GALNT13: variants seen among roughly 807,000 people sequenced by gnomAD.
GALNT13 encodes polypeptide N-acetylgalactosaminyltransferase 13.
A neutral mutation model predicts 64.2 loss-of-function variants in GALNT13; 28 were observed. The ratio of observed to expected loss-of-function variants is 0.44; its 90% confidence interval spans 0.32 to 0.60. GALNT13 has a LOEUF of 0.60. Ranked by LOEUF, GALNT13 falls within the 20% of genes least tolerant of loss-of-function variation. GALNT13 has a pLI of 0.05. For synonymous variants in GALNT13, 214 were observed against 224.6 expected, an observed-to-expected ratio of 0.95 and a Z score of 0.42; for missense variants, 577 against 669.8, an observed-to-expected ratio of 0.86 and a Z score of 1.53.
chr2:154,051,427 AC>A (rs1419633825), intron 3 of GALNT13, among the ~76,000 whole-genome samples: 1 of 151,228 alleles, frequency 6.6e-6, no homozygotes, highest in Non-Finnish European at 1.5e-5. Flanking sequence ...AGTAGCTGGG[AC>A]TACAGGCGCC....
At chr2:153,678,883 C>G in the GALNT13 span, among the ~76,000 whole-genome samples, 1 of 151,948 alleles carries the variant, frequency 6.6e-6, no homozygotes, top group Non-Finnish European at 1.5e-5. Flanking sequence ...CCCAGAATTC[C>G]CTCCCTATAT....
chr2:154,449,559 G>A (rs1207929645), intron 12 of GALNT13, among the ~76,000 whole-genome samples: 2 of 151,046 alleles, frequency 1.3e-5, no homozygotes, highest in Non-Finnish European at 2.9e-5. Flanking sequence ...CTTCGCTTCT[G>A]GTTGGAGAGG....
chr2:153,364,266 T>G, the GALNT13 span, among the ~76,000 whole-genome samples: 5 of 151,956 alleles, frequency 3.3e-5, no homozygotes, highest in African/African-American at 4.8e-5. Flanking sequence ...TTATGACAAA[T>G]CCACAGCCAA....
At chr2:153,256,108 C>G in the GALNT13 span, among the ~76,000 whole-genome samples, 3 of 152,152 alleles carry the variant, frequency 2.0e-5, no homozygotes, top group Non-Finnish European at 4.4e-5. Context: ...GTACACCAAT[C>G]AGACGTAGAT....
chr2:154,347,481 G>T (rs1559104326), intron 9 of GALNT13, among the ~76,000 whole-genome samples: 1 of 151,772 alleles, frequency 6.6e-6, no homozygotes, highest in Non-Finnish European at 1.5e-5. Context: ...TAAATTATCT[G>T]CTCTCCAGTA....
chr2:154,080,968 A>G (rs1432192445), intron 3 of GALNT13, among the ~76,000 whole-genome samples: 1 of 151,532 alleles, frequency 6.6e-6, no homozygotes, highest in Non-Finnish European at 1.5e-5. Flanking sequence ...CATGGCCTGT[A>G]GCATAAGTCC....
chr2:154,026,899 CCAAT>C (rs1698005987), intron 3 of GALNT13, among the ~76,000 whole-genome samples: 1 of 151,910 alleles, frequency 6.6e-6, no homozygotes, highest in Non-Finnish European at 1.5e-5. Context: ...ATAGGTACAC[CCAAT>C]CGAGCATCCG....
At chr2:153,432,112 A>G in the GALNT13 span, among the ~76,000 whole-genome samples, 26 of 152,094 alleles carry the variant, frequency 1.7e-4, no homozygotes, top group Admixed American at 5.9e-4. Context: ...ATGGGAAAAA[A>G]AAGGAGAAGG....
At chr2:153,772,002 A>C in the GALNT13 span, among the ~76,000 whole-genome samples, 1 of 152,294 alleles carries the variant, frequency 6.6e-6, no homozygotes, top group East Asian at 1.9e-4. Context: ...CAAGTCACAA[A>C]TCTGTCTCTG....
chr2:153,129,868 C>T, the GALNT13 span, among the ~76,000 whole-genome samples: 5 of 152,188 alleles, frequency 3.3e-5, no homozygotes, highest in East Asian at 9.6e-4. Context: ...AGGACTTGCT[C>T]TATAGAATAA....
intron 9 of GALNT13, among the ~76,000 whole-genome samples, chr2:154,375,685 T>C (rs1227994536): frequency 6.6e-6 from 1 of 152,130 alleles, no homozygotes; most frequent in Non-Finnish European, 1.5e-5. Flanking sequence ...AACTTGACTT[T>C]AATAATGCGA....
the GALNT13 span, among the ~76,000 whole-genome samples, chr2:153,170,586 A>G: frequency 2.0e-5 from 3 of 152,244 alleles, no homozygotes; most frequent in South Asian, 2.1e-4. Flanking sequence ...AGAAGAAAAA[A>G]TAGTGTCTCA....
the GALNT13 span, among the ~76,000 whole-genome samples, chr2:153,608,134 G>A: frequency 6.6e-6 from 1 of 151,766 alleles, no homozygotes; most frequent in Non-Finnish European, 1.5e-5. Context: ...AAGCCTTCCA[G>A]ATTGTTCTTT....
At chr2:154,077,388 G>A (rs1456789131) in intron 3 of GALNT13, among the ~76,000 whole-genome samples, 1 of 151,320 alleles carries the variant, frequency 6.6e-6, no homozygotes, top group East Asian at 1.9e-4. Flanking sequence ...ATTCCTCATG[G>A]AGAAGTGATC....
In GALNT13 at chr2:154,265,815, A is replaced by C. The variant is rs376281028; in HGVS notation, c.975+6677A>C. On this transcript the variant is annotated intron_variant, in intron 8 of 12. Coordinates refer to ENST00000392825, the MANE Select transcript of GALNT13 (RefSeq NM_052917.4). The stretch of plus-strand genomic sequence containing the variant: ...AAAACTTGACAAAGTCATTACAAAA[A>C]TAGAAAACTAAAAATTAATATTCCT... Among the ~76,000 whole-genome samples, 141 of 152,368 alleles carry C rather than the reference A, an allele frequency of 9.3e-4. 1 individual carries two copies. In the Middle Eastern group the frequency reaches 0.017, roughly 18 times the overall value.
At chr2:154,112,993 G>T (rs1398892468) in intron 3 of GALNT13, among the ~76,000 whole-genome samples, 1 of 152,092 alleles carries the variant, frequency 6.6e-6, no homozygotes, top group Non-Finnish European at 1.5e-5. Context: ...TTTAATGATG[G>T]AATGCTGCTG....
chr2:154,141,418 A>G (rs1683253096), intron 4 of GALNT13, among the ~76,000 whole-genome samples: 1 of 151,976 alleles, frequency 6.6e-6, no homozygotes, highest in South Asian at 2.1e-4. Context: ...TGTAAAAAAT[A>G]TTTTCTTTCT....
At chr2:153,922,494 C>T (rs1432759189) in intron 2 of GALNT13, among the ~76,000 whole-genome samples, 1 of 152,138 alleles carries the variant, frequency 6.6e-6, no homozygotes, top group Non-Finnish European at 1.5e-5. Context: ...AATGTATGGA[C>T]TGTTTCCTTT....
intron 2 of GALNT13, among the ~76,000 whole-genome samples, chr2:153,924,305 T>C (rs1186478680): frequency 1.4e-5 from 2 of 144,972 alleles, no homozygotes; most frequent in East Asian, 4.6e-4. Flanking sequence ...AATGAGAACA[T>C]GTGATATTTG....
Sources: gnomAD v4.1 joint callset for allele counts (sites outside exome capture counted in the v4.1 genomes callset) on GRCh38, gnomAD v4.1.1 for gene constraint, MANE v1.5 for transcripts, NCBI Gene and HGNC (gene_info 2026-07-23, HGNC 2026-07-21) for gene names.